Variants in ATP6V1C1 observed in about 807,000 individuals in gnomAD.
The protein encoded by ATP6V1C1 is V-type proton ATPase subunit C 1.
In ATP6V1C1, 45 loss-of-function variants were observed where a neutral mutation model predicts 53.9. That is an observed-to-expected ratio of 0.83 (90% CI 0.66 to 1.07). ATP6V1C1 has a LOEUF of 1.07. Among genes scored for constraint, ATP6V1C1 ranks in the 50% least tolerant of loss-of-function variants. ATP6V1C1 has a pLI of 0.00. For synonymous variants in ATP6V1C1, 153 were observed against 155.2 expected (o/e 0.99, Z 0.11); for missense variants, 315 against 440.3 (o/e 0.72, Z 2.55).
chr8:103,045,653 A>G (rs552182784), intron 3 of ATP6V1C1, among the ~76,000 whole-genome samples: 1 of 152,232 alleles, frequency 6.6e-6, no homozygotes, highest in South Asian at 2.1e-4. Context: ...TAATTAAGAA[A>G]AAAATGGGCC....
At chr8:103,033,474 C>T in intron 1 of ATP6V1C1, among the ~76,000 whole-genome samples, 1 of 152,272 alleles carries the variant, frequency 6.6e-6, no homozygotes, top group East Asian at 1.9e-4. Flanking sequence ...TTCTGAGATT[C>T]TACCATGCTG....
At chr8:103,048,545 T>A (rs368366216) in intron 3 of ATP6V1C1, among the ~76,000 whole-genome samples, 1 of 152,200 alleles carries the variant, frequency 6.6e-6, no homozygotes, top group African/African-American at 2.4e-5. Flanking sequence ...CCTTAAATTG[T>A]CTAGTTTCTT....
At chr8:103,022,341 AC>A (rs1816612446) in intron 1 of ATP6V1C1, among the ~76,000 whole-genome samples, 1 of 152,184 alleles carries the variant, frequency 6.6e-6, no homozygotes, top group African/African-American at 2.4e-5. Flanking sequence ...AGTGGATTGC[AC>A]TGCGGAGAAG....
intron 1 of ATP6V1C1, among the ~76,000 whole-genome samples, chr8:103,034,003 A>G (rs1816845755): frequency 6.6e-6 from 1 of 152,214 alleles, no homozygotes; most frequent in Middle Eastern, 3.2e-3. Flanking sequence ...TGCTTTTGAG[A>G]CATTCAGGTG....
rs1260861510 is a variant in ATP6V1C1 at position 103,053,798 on chromosome 8, A to T, written c.474-86A>T. 4 of 929,144 alleles carry T rather than the reference A, an allele frequency of 4.3e-6. No homozygotes were observed. In the Admixed American group the frequency reaches 5.8e-5, roughly 13 times the overall value. 57.6% of individuals were successfully genotyped at this position (929,144 alleles called of 1,614,324 possible). A position where few individuals can be genotyped will look rare whatever the true frequency, so the allele number is the denominator to read the frequency against. ...ATCCCTCTCAATGTATATATAGTAT[A>T]TGTGAAAATGATTAGCCTGCTGTTT... On this transcript the variant is annotated intron_variant, in intron 6 of 12. Transcript: ENST00000518738.
chr8:103,032,020 AAAAAAC>A (rs1409318336), intron 1 of ATP6V1C1, among the ~76,000 whole-genome samples: 2 of 151,072 alleles, frequency 1.3e-5, no homozygotes, highest in African/African-American at 2.5e-5. Context: ...AACAAAAAAC[AAAAAAC>A]AAAAAAAACC....
chr8:103,047,308 A>C (rs1204310528), intron 3 of ATP6V1C1, among the ~76,000 whole-genome samples: 1 of 151,546 alleles, frequency 6.6e-6, no homozygotes, highest in African/African-American at 2.4e-5. Context: ...TTGAGGGGCC[A>C]AGGCAAGAGG....
chr8:103,068,247 A>T (rs551847154), intron 12 of ATP6V1C1, among the ~76,000 whole-genome samples: 1 of 152,372 alleles, frequency 6.6e-6, no homozygotes, highest in African/African-American at 2.4e-5. Context: ...AAGTGCTGAT[A>T]TTACAGAATA....
chr8:103,043,708 T>C (rs1817043768), intron 3 of ATP6V1C1, among the ~76,000 whole-genome samples: 1 of 152,106 alleles, frequency 6.6e-6, no homozygotes, highest in African/African-American at 2.4e-5. Flanking sequence ...TTTTCATGTG[T>C]TTTTTTGCCA....
At chr8:103,052,589 G>A (rs1817219423) in intron 5 of ATP6V1C1, 142 bp from the exon 6 acceptor site, 3 of 395,826 alleles carry the variant, frequency 7.6e-6, no homozygotes, top group African/African-American at 2.1e-5. Flanking sequence ...TCCTAAAGTC[G>A]TGCTTTTAAA....
chr8:103,037,732 T>C (rs979633264), intron 1 of ATP6V1C1, among the ~76,000 whole-genome samples: 1 of 152,230 alleles, frequency 6.6e-6, no homozygotes, highest in Non-Finnish European at 1.5e-5. Context: ...ATTTCAGATA[T>C]ACAGAAAAAT....
chr8:103,069,245 A>G lies in ATP6V1C1; in HGVS notation c.*498A>G, dbSNP rs1817545914. The G allele has an allele frequency of 6.6e-6, 1 of 152,302 alleles. No homozygotes were observed. The highest frequency in any genetic ancestry group is 2.1e-4 in the South Asian group (1 of 4,840). The allele number at this position is 152,302 out of a possible 1,614,324, so 9.4% of individuals were successfully genotyped here. A position where few individuals can be genotyped will look rare whatever the true frequency, so the allele number is the denominator to read the frequency against. ...AAATTTCAATCAATGAGCACTGTCA[A>G]CACCCACAGGAGAGAATAAAATTAC... On this transcript the variant is annotated 3_prime_UTR_variant, in exon 13 of 13. Coordinates refer to ENST00000518738, the MANE Select transcript of ATP6V1C1 (RefSeq NM_001695.5).
At chr8:103,051,698 T>C (rs1181183187) in intron 5 of ATP6V1C1, among the ~76,000 whole-genome samples, 1 of 152,094 alleles carries the variant, frequency 6.6e-6, no homozygotes, top group Non-Finnish European at 1.5e-5. Flanking sequence ...GCTCCTTTTA[T>C]ATTGAGAAAT....
Position 103,040,918 on chromosome 8 carries a change from A to C in ATP6V1C1, c.82A>C (p.Lys28Gln). ...GGAGAAATTGCATGCGGCAACTTCA[A>C]AGAACAATAATCTTGCTGTCACTTC... ...TWEKLHAATS[K>Q]NNNLAVTSKF... is the part of the protein sequence containing the mutation. Residue 28 changes from lysine (K) to glutamine (Q), a missense_variant, in exon 2 of 13, where the codon AAG becomes CAG. By Grantham distance (53) the Lys-to-Gln change is moderately conservative. Transcript: ENST00000518738. 6.2e-7 allele frequency: 1 copy of C among 1,614,152 alleles called. No homozygotes were observed. The highest frequency in any genetic ancestry group is 1.1e-5 in the South Asian group (1 of 91,090).
intron 1 of ATP6V1C1, among the ~76,000 whole-genome samples, chr8:103,040,069 A>G (rs1816968665): frequency 6.6e-6 from 1 of 152,214 alleles, no homozygotes; most frequent in Admixed American, 6.5e-5. Context: ...ACTTCTGTTT[A>G]TAAATGCATT....
rs1435268774 is a variant in ATP6V1C1, at chr8:103,062,566, GC to G, written c.642-388del. Among the ~76,000 whole-genome samples, 4 of 152,286 alleles carry G rather than the reference GC, an allele frequency of 2.6e-5. No individual in the cohort carries two copies. In the East Asian group the frequency reaches 7.7e-4, roughly 29 times the overall value. ...AGAGGCTAGGCTGGGCATCAGTGGG[GC>G]TGAGTTGGCCTGGAGAAAGGAAGAA... On this transcript the variant is annotated intron_variant, in intron 8 of 12. Transcript: ENST00000518738.
intron 3 of ATP6V1C1, among the ~76,000 whole-genome samples, chr8:103,048,320 C>T (rs1817141413): frequency 6.6e-6 from 1 of 152,168 alleles, no homozygotes. Flanking sequence ...ATAGTTTTGG[C>T]ATTATGGCTT....
intron 1 of ATP6V1C1, among the ~76,000 whole-genome samples, chr8:103,026,292 G>A (rs1816692547): frequency 6.6e-6 from 1 of 152,192 alleles, no homozygotes; most frequent in African/African-American, 2.4e-5. Flanking sequence ...TTTGTGATAG[G>A]TATCTGTGTG....
chr8:103,061,864 A>C (rs2131402558), intron 8 of ATP6V1C1, among the ~76,000 whole-genome samples: 1 of 152,336 alleles, frequency 6.6e-6, no homozygotes, highest in Admixed American at 6.5e-5. Flanking sequence ...TCACATAAGG[A>C]CTTCTATACA....
Sources: gnomAD v4.1 joint callset for allele counts (sites outside exome capture counted in the v4.1 genomes callset) on GRCh38, gnomAD v4.1.1 for gene constraint, MANE v1.5 for transcripts, NCBI Gene and HGNC (gene_info 2026-07-23, HGNC 2026-07-21) for gene names.